The following RNLS variants were observed in gnomAD, a reference collection of about 807,000 sequenced individuals.
RNLS encodes the protein renalase, FAD dependent amine oxidase.
A neutral mutation model predicts 39.8 loss-of-function variants in RNLS; 39 were observed. That is an observed-to-expected ratio of 0.98 (90% CI 0.76 to 1.28). The LOEUF is 1.28. Ranked by LOEUF, RNLS falls within the 50% of genes most tolerant of loss-of-function variation. RNLS has a pLI of 0.00. For missense variants in RNLS, 410 were observed against 413.3 expected, an observed-to-expected ratio of 0.99 and a Z score of 0.07; for synonymous variants, 147 against 150.7, an observed-to-expected ratio of 0.98 and a Z score of 0.18.
chr10:88,354,543 C>T (rs886805652), intron 5 of RNLS, among the ~76,000 whole-genome samples: 6 of 151,736 alleles, frequency 4.0e-5, no homozygotes, highest in African/African-American at 9.7e-5. Context: ...TGAATATTGG[C>T]CCCCCCTCTC....
intron 4 of RNLS, among the ~76,000 whole-genome samples, chr10:88,483,237 T>C (rs1844303882): frequency 2.0e-5 from 3 of 152,174 alleles, no homozygotes; most frequent in Non-Finnish European, 2.9e-5. Flanking sequence ...TCTGATTCCA[T>C]AGCTGTTAAA....
chr10:88,510,308 T>C (rs1173753810), intron 4 of RNLS, among the ~76,000 whole-genome samples: 1 of 152,138 alleles, frequency 6.6e-6, no homozygotes, highest in Non-Finnish European at 1.5e-5. Flanking sequence ...ATTCTATCCA[T>C]CCTGATATAA....
intron 4 of RNLS, among the ~76,000 whole-genome samples, chr10:88,512,514 G>T (rs946597606): frequency 6.6e-6 from 1 of 152,044 alleles, no homozygotes; most frequent in Non-Finnish European, 1.5e-5. Flanking sequence ...CAAACTTGTC[G>T]TTTTTTTATG....
intron 4 of RNLS, among the ~76,000 whole-genome samples, chr10:88,552,828 T>C (rs963983088): frequency 2.6e-5 from 4 of 152,316 alleles, no homozygotes; most frequent in Admixed American, 6.5e-5. Context: ...AAATTCTCTA[T>C]GAACGTTGTA....
chr10:88,250,784 A>G, the RNLS span, among the ~76,000 whole-genome samples: 1 of 152,358 alleles, frequency 6.6e-6, no homozygotes, highest in East Asian at 1.9e-4. Context: ...AAGGATCCAC[A>G]GATAACTTCA....
chr10:88,526,500 G>A (rs1251676817), intron 4 of RNLS, among the ~76,000 whole-genome samples: 1 of 151,924 alleles, frequency 6.6e-6, no homozygotes, highest in East Asian at 1.9e-4. Flanking sequence ...CGCTAGCTCA[G>A]GTCTGTAATC....
intron 4 of RNLS, among the ~76,000 whole-genome samples, chr10:88,561,824 G>A (rs186873173): frequency 6.6e-5 from 10 of 152,200 alleles, no homozygotes; most frequent in African/African-American, 2.2e-4. Context: ...CTTCATGTGT[G>A]AAATGCTCAT....
chr10:88,522,281 G>A (rs1319698937), intron 4 of RNLS, among the ~76,000 whole-genome samples: 1 of 152,074 alleles, frequency 6.6e-6, no homozygotes, highest in African/African-American at 2.4e-5. Context: ...GGTTGGATGT[G>A]CAAAAATTTA....
intron 4 of RNLS, among the ~76,000 whole-genome samples, chr10:88,472,146 C>T (rs1174617259): frequency 2.6e-5 from 4 of 152,162 alleles, no homozygotes; most frequent in African/African-American, 9.7e-5. Context: ...TTGAATAACC[C>T]AGGCCTGCTG....
rs1451910922 is a variant in RNLS at position 88,314,598 on chromosome 10, G to A, written c.744C>T (p.Val248=). The A allele has an allele frequency of 6.2e-6, 10 of 1,613,736 alleles. No individual in the cohort carries two copies. The highest frequency in any genetic ancestry group is 1.3e-5 in the African/African-American group (1 of 74,910). The change falls in exon 6 of 7, where the codon GTC becomes GTT. Residue 248 remains valine, a synonymous_variant. Transcript: ENST00000331772. ...IGPSLVIHTT[V]PFGVTYLEHS... ...GTTCCAAGTATGTAACTCCAAATGGGACAGTGGTGTGAATCACGAGGGAAG... is the reference window on the plus strand; with the variant it reads ...GTTCCAAGTATGTAACTCCAAATGGAACAGTGGTGTGAATCACGAGGGAAG...
the RNLS span, among the ~76,000 whole-genome samples, chr10:88,264,119 A>G: frequency 1.3e-5 from 2 of 152,154 alleles, no homozygotes; most frequent in African/African-American, 4.8e-5. Flanking sequence ...ATGGTCTCCA[A>G]TTCCATCCAG....
chr10:88,180,460 G>A, the RNLS span, among the ~76,000 whole-genome samples: 1 of 152,212 alleles, frequency 6.6e-6, no homozygotes, highest in Non-Finnish European at 1.5e-5. Flanking sequence ...TCCCATGAGA[G>A]TGAGAATTTC....
At position 88,582,234 on chromosome 10, in the gene RNLS, G is replaced by C; in HGVS notation, c.192C>G (p.Thr64=). The change falls in exon 2 of 7, where the codon ACC becomes ACG. Residue 64 remains threonine (T), a synonymous_variant. Transcript: ENST00000331772. ...CTADLGAQYI[T]CTPHYAKKHQ... is the part of the protein sequence containing the mutation. Reference sequence around the variant, plus strand: ...GTTTTTTGGCATAATGAGGAGTGCAGGTGATGTACTGAGCACCCAAGTCAG... The same window carrying C: ...GTTTTTTGGCATAATGAGGAGTGCACGTGATGTACTGAGCACCCAAGTCAG... 6.2e-7 allele frequency: 1 copy of C among 1,614,032 alleles called. No individual in the cohort carries two copies. Among genetic ancestry groups the C allele is most frequent in the Non-Finnish European group, 8.5e-7 (1 of 1,179,950 alleles).
chr10:88,176,885 C>T, the RNLS span, among the ~76,000 whole-genome samples: 1 of 152,234 alleles, frequency 6.6e-6, no homozygotes, highest in Admixed American at 6.5e-5. Context: ...TCTTGTTTTA[C>T]AGTGTTCTTT....
chr10:88,424,460 T>C (rs1235751547), intron 4 of RNLS, among the ~76,000 whole-genome samples: 2 of 151,996 alleles, frequency 1.3e-5, no homozygotes, highest in African/African-American at 4.8e-5. Flanking sequence ...GCATGGACTA[T>C]GCATCTGTCA....
intron 5 of RNLS, among the ~76,000 whole-genome samples, chr10:88,326,099 G>A (rs1846584700): frequency 1.3e-5 from 2 of 152,180 alleles, no homozygotes; most frequent in Admixed American, 6.5e-5. Context: ...TCTTGGGTAT[G>A]TCTTCATAGC....
At chr10:88,313,536 T>C (rs1845537674) in intron 6 of RNLS, among the ~76,000 whole-genome samples, 1 of 152,208 alleles carries the variant, frequency 6.6e-6, no homozygotes, top group Admixed American at 6.5e-5. Flanking sequence ...AAGATATGAG[T>C]AAAACATAGA....
intron 4 of RNLS, among the ~76,000 whole-genome samples, chr10:88,376,072 G>T (rs946577523): frequency 2.0e-5 from 3 of 152,102 alleles, no homozygotes; most frequent in African/African-American, 7.2e-5. Flanking sequence ...GTGGGGTCAT[G>T]GTGTCCACCT....
At chr10:88,192,075 G>A in the RNLS span, among the ~76,000 whole-genome samples, 5 of 151,954 alleles carry the variant, frequency 3.3e-5, no homozygotes, top group Non-Finnish European at 5.9e-5. Flanking sequence ...AAGTACGTAA[G>A]GCACTTTCTC....
Sources: gnomAD v4.1 joint callset for allele counts (sites outside exome capture counted in the v4.1 genomes callset) on GRCh38, gnomAD v4.1.1 for gene constraint, MANE v1.5 for transcripts, NCBI Gene and HGNC (gene_info 2026-07-23, HGNC 2026-07-21) for gene names.